Variants in DNAJC3 observed in about 807,000 individuals in gnomAD.
DNAJC3 encodes DnaJ heat shock protein family (Hsp40) member C3.
DNAJC3 carries 38 observed loss-of-function variants against 68.6 expected under a neutral mutation model. The ratio of observed to expected loss-of-function variants is 0.55; its 90% CI spans 0.43 to 0.73. The LOEUF (loss-of-function observed/expected upper bound fraction) is 0.73. DNAJC3 is among the 30% of genes least tolerant of loss of function. The pLI is 0.00. For synonymous variants in DNAJC3, 203 were observed against 204.0 expected (o/e 1.00, Z 0.04); for missense variants, 526 against 591.9 (o/e 0.89, Z 1.16).
chr13:95,719,097 C>T (rs1198565756), intron 2 of DNAJC3, among the ~76,000 whole-genome samples: 1 of 152,204 alleles, frequency 6.6e-6, no homozygotes, highest in Non-Finnish European at 1.5e-5. Context: ...GAGCAGCTCA[C>T]AGAACTCAGG....
chr13:95,690,437 T>C (rs1157477677), intron 1 of DNAJC3, among the ~76,000 whole-genome samples: 1 of 150,992 alleles, frequency 6.6e-6, no homozygotes, highest in Non-Finnish European at 1.5e-5. Flanking sequence ...TCCCCACCTT[T>C]CCCCCCTTTC....
intron 9 of DNAJC3, among the ~76,000 whole-genome samples, chr13:95,784,955 T>A (rs1274943853): frequency 2.0e-5 from 3 of 152,042 alleles, no homozygotes; most frequent in African/African-American, 4.8e-5. Flanking sequence ...CTTAAAATTT[T>A]TAAAAAAAAA....
rs1882777991 is a variant in DNAJC3, at chr13:95,760,149, A to G, written c.656A>G (p.Asn219Ser). Residue 219 changes from asparagine to serine, a missense_variant, in exon 6 of 12, where the codon AAT (asparagine) becomes AGT (serine). Coordinates refer to ENST00000602402, the MANE Select transcript of DNAJC3 (RefSeq NM_006260.5). ...SDLKAASKLKNDNTEAFYKIS... is the reference protein window; with the variant it reads ...SDLKAASKLKSDNTEAFYKIS... Reference sequence around the variant, plus strand: ...TTAAAAGCTGCGTCAAAGTTGAAGAATGATAATACTGAAGCGTTTTATAAA... The same window carrying G: ...TTAAAAGCTGCGTCAAAGTTGAAGAGTGATAATACTGAAGCGTTTTATAAA... The G allele has an allele frequency of 1.9e-6, 3 of 1,612,966 alleles. No individual in the cohort carries two copies. The highest frequency in any genetic ancestry group is 1.7e-6 in the Non-Finnish European group (2 of 1,179,344).
chr13:95,730,522 A>T (rs977556134), intron 4 of DNAJC3, among the ~76,000 whole-genome samples: 3 of 152,178 alleles, frequency 2.0e-5, no homozygotes, highest in African/African-American at 4.8e-5. Context: ...AATCTGCTGC[A>T]TATAGATATC....
At chr13:95,778,806 T>C (rs911953227) in intron 9 of DNAJC3, among the ~76,000 whole-genome samples, 1 of 152,224 alleles carries the variant, frequency 6.6e-6, no homozygotes, top group African/African-American at 2.4e-5. Flanking sequence ...TTTTGTGAAA[T>C]TTTGTTCTGC....
At chr13:95,763,186 T>G (rs1302093588) in intron 7 of DNAJC3, among the ~76,000 whole-genome samples, 1 of 152,234 alleles carries the variant, frequency 6.6e-6, no homozygotes, top group African/African-American at 2.4e-5. Flanking sequence ...CGTTGTACTT[T>G]GTTGTAAATA....
intron 2 of DNAJC3, among the ~76,000 whole-genome samples, chr13:95,713,037 T>A (rs1028964354): frequency 1.3e-5 from 2 of 152,174 alleles, no homozygotes; most frequent in East Asian, 3.9e-4. Context: ...CCTGCCATCA[T>A]GTGAAGAGGA....
At chr13:95,764,695 C>CACACACAT (rs1278619668) in intron 9 of DNAJC3, among the ~76,000 whole-genome samples, 2 of 114,800 alleles carry the variant, frequency 1.7e-5, no homozygotes, top group South Asian at 5.4e-4. Flanking sequence ...CACACACACA[C>CACACACAT]ATATATATAT....
intron 9 of DNAJC3, 56 bp from the exon 10 acceptor site, chr13:95,785,878 TAAGAA>T: frequency 6.8e-7 from 1 of 1,468,668 alleles, no homozygotes; most frequent in Non-Finnish European, 9.1e-7. Flanking sequence ...TTTTACAGGA[TAAGAA>T]AAGGCAATAA....
chr13:95,764,645 C>CATATATATATAT (rs755441205), intron 9 of DNAJC3, among the ~76,000 whole-genome samples: 15 of 56,516 alleles, frequency 2.7e-4, no homozygotes, highest in Non-Finnish European at 3.9e-4. Context: ...AAATAGAATC[C>CATATATATATAT]ATATATATAT....
intron 6 of DNAJC3, 59 bp from the exon 7 acceptor site, chr13:95,760,619 GA>G: frequency 6.5e-7 from 1 of 1,545,884 alleles, no homozygotes. Flanking sequence ...GATTTCTGTG[GA>G]AAACTACTCA....
At chr13:95,690,629 T>G (rs1216765498) in intron 1 of DNAJC3, among the ~76,000 whole-genome samples, 1 of 131,006 alleles carries the variant, frequency 7.6e-6, no homozygotes, top group Non-Finnish European at 1.6e-5. Flanking sequence ...CCCCCCCACC[T>G]CCCTCCCGGA....
chr13:95,718,995 A>G (rs2139636385), intron 2 of DNAJC3, among the ~76,000 whole-genome samples: 1 of 152,318 alleles, frequency 6.6e-6, no homozygotes, highest in African/African-American at 2.4e-5. Context: ...GAAGCCATTC[A>G]TAAGGCCCTG....
chr13:95,694,780 G>A (rs974030753), intron 1 of DNAJC3: 1 of 152,558 alleles, frequency 6.6e-6, no homozygotes, highest in African/African-American at 2.4e-5. Flanking sequence ...CATATCAACC[G>A]AGTTGTAAAC....
intron 1 of DNAJC3, among the ~76,000 whole-genome samples, chr13:95,692,145 G>C (rs1222216416): frequency 6.6e-6 from 1 of 151,756 alleles, no homozygotes; most frequent in African/African-American, 2.4e-5. Flanking sequence ...AGAGGGAGAG[G>C]GACAATTTGG....
At chr13:95,682,136 T>C (rs1169904303) in intron 1 of DNAJC3, among the ~76,000 whole-genome samples, 1 of 152,216 alleles carries the variant, frequency 6.6e-6, no homozygotes, top group Non-Finnish European at 1.5e-5. Flanking sequence ...ATTCAGATAA[T>C]AGTAGATGCT....
intron 4 of DNAJC3, among the ~76,000 whole-genome samples, chr13:95,730,914 C>T (rs962872311): frequency 6.6e-5 from 10 of 152,126 alleles, no homozygotes; most frequent in Non-Finnish European, 1.2e-4. Context: ...ATCATTTTAA[C>T]AATGTTAATT....
At chr13:95,711,178 A>G (rs549652634) in intron 2 of DNAJC3, among the ~76,000 whole-genome samples, 1 of 152,300 alleles carries the variant, frequency 6.6e-6, no homozygotes, top group South Asian at 2.1e-4. Context: ...CTCTGAACTC[A>G]TAGGAAACAT....
intron 5 of DNAJC3, among the ~76,000 whole-genome samples, chr13:95,758,816 G>C (rs1464397826): frequency 6.6e-6 from 1 of 152,144 alleles, no homozygotes; most frequent in Non-Finnish European, 1.5e-5. Flanking sequence ...TTGATATACA[G>C]TTTCATTTAA....
Sources: allele counts gnomAD v4.1 joint callset (sites outside exome capture counted in the v4.1 genomes callset), GRCh38; gene constraint gnomAD v4.1.1; transcripts MANE v1.5; gene names NCBI Gene and HGNC (gene_info 2026-07-23, HGNC 2026-07-21).